NCOR1: variants seen among roughly 807,000 people sequenced by gnomAD.
NCOR1 encodes the protein protein phosphatase 1, regulatory subunit 109.
NCOR1 carries 63 observed loss-of-function variants against 288.1 expected under a neutral mutation model. The observed-to-expected ratio is 0.22, with a 90% CI of 0.18 to 0.27. The LOEUF (loss-of-function observed/expected upper bound fraction) is 0.27. Ranked by LOEUF, NCOR1 falls within the 10% of genes least tolerant of loss-of-function variation. NCOR1 has a pLI of 1.00. For synonymous variants in NCOR1, 1,007 were observed against 1,065.9 expected (o/e 0.94, Z 1.08); for missense variants, 2,397 against 3,019.2 (o/e 0.79, Z 4.83).
chr17:16,110,415 T>C (rs1037848022), intron 18 of NCOR1, among the ~76,000 whole-genome samples: 3 of 152,216 alleles, frequency 2.0e-5, no homozygotes, highest in African/African-American at 4.8e-5. Flanking sequence ...AAAAATTGTA[T>C]GCTCCCTTCT....
chr17:16,115,799 T>G (rs2071452115), intron 18 of NCOR1, among the ~76,000 whole-genome samples: 1 of 152,212 alleles, frequency 6.6e-6, no homozygotes, highest in African/African-American at 2.4e-5. Context: ...TTTCCACATT[T>G]TCCTGTCTTC....
At position 16,108,838 on chromosome 17, in the gene NCOR1, C is replaced by T. The variant is rs533136703; in HGVS notation, c.2130G>A (p.Glu710=). 1.9e-6 allele frequency: 3 copies of T among 1,607,384 alleles called. No homozygotes were observed. Among genetic ancestry groups the T allele is most frequent in the Non-Finnish European group, 2.6e-6 (3 of 1,175,994 alleles). The change falls in exon 19 of 46, where the codon GAG becomes GAA. Residue 710 remains glutamate, a synonymous_variant. Transcript: ENST00000268712. ...CATTGGAGGCTTCAATATCTTCATC[C>T]TCCTGAGCAGAAACAGTGGAAGCGA... ...ESVASTVSAQ[E]DEDIEASNEE...
At chr17:16,146,738 T>C (rs771782993) in intron 9 of NCOR1, among the ~76,000 whole-genome samples, 190 bp from the exon 10 acceptor site, 7 of 152,140 alleles carry the variant, frequency 4.6e-5, no homozygotes, top group African/African-American at 9.7e-5. Context: ...GATCAACACA[T>C]AGAGCACAGG....
At chr17:16,052,040 G>A (rs759264935) in intron 40 of NCOR1, among the ~76,000 whole-genome samples, 3 of 152,074 alleles carry the variant, frequency 2.0e-5, no homozygotes, top group Non-Finnish European at 4.4e-5. Flanking sequence ...ATGGAGTCTC[G>A]CTTTGTCGCC....
intron 30 of NCOR1, among the ~76,000 whole-genome samples, chr17:16,070,886 AGGCGT>A (rs2061673007): frequency 2.0e-5 from 3 of 152,048 alleles, no homozygotes; most frequent in Non-Finnish European, 2.9e-5. Context: ...AAAATTAGCC[AGGCGT>A]GGTGGCAGGT....
At chr17:16,109,038 T>C (rs1000011767) in intron 18 of NCOR1, 126 bp from the exon 19 acceptor site, 101 of 759,402 alleles carry the variant, frequency 1.3e-4, no homozygotes, top group Admixed American at 1.9e-4. Flanking sequence ...TGTTTGACAA[T>C]AGTTCTGGTT....
chr17:16,119,983 A>C (rs1329305971), intron 16 of NCOR1, among the ~76,000 whole-genome samples: 1 of 152,104 alleles, frequency 6.6e-6, no homozygotes, highest in Non-Finnish European at 1.5e-5. Context: ...TTGCTTCAGG[A>C]AAAAAACAAA....
At chr17:16,143,745 G>C in intron 10 of NCOR1, 49 bp from the exon 11 acceptor site, 1 of 1,328,778 alleles carries the variant, frequency 7.5e-7, no homozygotes, top group South Asian at 1.3e-5. Flanking sequence ...CTTATATAAA[G>C]ACATATCAAT....
chr17:16,086,151 A>G, intron 23 of NCOR1, 131 bp downstream of exon 23: 6 of 1,048,546 alleles, frequency 5.7e-6, no homozygotes, highest in Non-Finnish European at 8.4e-6. Flanking sequence ...TCTGGTCATT[A>G]TCTCTTGAAA....
chr17:16,209,843 T>C (rs535147221), intron 1 of NCOR1, among the ~76,000 whole-genome samples: 2 of 152,152 alleles, frequency 1.3e-5, no homozygotes, highest in East Asian at 3.9e-4. Context: ...TCCCAGCTAC[T>C]TGGGAGGCTG....
intron 2 of NCOR1, among the ~76,000 whole-genome samples, chr17:16,193,495 A>G (rs2089043107): frequency 6.6e-6 from 1 of 152,034 alleles, no homozygotes; most frequent in Non-Finnish European, 1.5e-5. Context: ...AGCCTCCCAA[A>G]ATGCTGGGAT....
chr17:16,034,135 A>T (rs1436398763), intron 45 of NCOR1, among the ~76,000 whole-genome samples: 1 of 152,250 alleles, frequency 6.6e-6, no homozygotes, highest in African/African-American at 2.4e-5. Flanking sequence ...TACAGTTCTC[A>T]AAAGAACTAA....
At chr17:16,044,448 CAGG>C (rs754213618) in intron 42 of NCOR1, 26 of 472,126 alleles carry the variant, frequency 5.5e-5, no homozygotes, top group Non-Finnish European at 7.5e-5. Context: ...TTGACAGGAT[CAGG>C]AGACTAGTAG....
chr17:16,185,339 A>G (rs766540507), intron 3 of NCOR1, among the ~76,000 whole-genome samples: 1 of 152,264 alleles, frequency 6.6e-6, no homozygotes, highest in Non-Finnish European at 1.5e-5. Context: ...TTTATTATCT[A>G]TACGTATCCC....
chr17:16,154,621 T>C (rs1315877782), intron 6 of NCOR1, among the ~76,000 whole-genome samples: 4 of 152,184 alleles, frequency 2.6e-5, no homozygotes, highest in Non-Finnish European at 1.5e-5. Flanking sequence ...GGTGGGATAT[T>C]ACTAAGAAAA....
At chr17:16,038,380 C>T (rs1476066207) in intron 44 of NCOR1, among the ~76,000 whole-genome samples, 2 of 152,142 alleles carry the variant, frequency 1.3e-5, no homozygotes, top group African/African-American at 4.8e-5. Flanking sequence ...CAAGCATTAG[C>T]ATTCCGGATG....
In NCOR1 at chr17:16,030,475, A is replaced by G. The variant is rs1971819736; in HGVS notation, c.*1821T>C. 1 of 204,430 alleles carries G rather than the reference A, an allele frequency of 4.9e-6. No homozygotes were observed. The highest frequency in any genetic ancestry group is 2.3e-5 in the African/African-American group (1 of 43,646). 12.7% of individuals were successfully genotyped at this position (204,430 alleles called of 1,614,324 possible). ...GCAATATAAATTATTAACAAACTCT[A>G]AAATATTACCAGTACCTGAAAAAAA... On this transcript the variant is annotated 3_prime_UTR_variant, in exon 46 of 46. Transcript: ENST00000268712.
At chr17:16,098,717 C>G in intron 20 of NCOR1, 1 of 307,128 alleles carries the variant, frequency 3.3e-6, no homozygotes, top group Non-Finnish European at 5.9e-6. Flanking sequence ...CTCACTTCAG[C>G]AGCGCACATA....
chr17:16,076,721 C>T (rs1461744863), intron 26 of NCOR1, among the ~76,000 whole-genome samples: 2 of 152,122 alleles, frequency 1.3e-5, no homozygotes, highest in Admixed American at 6.5e-5. Flanking sequence ...CAAAAACTAG[C>T]GACAACCACC....
Sources: allele counts gnomAD v4.1 joint callset (sites outside exome capture counted in the v4.1 genomes callset), GRCh38; gene constraint gnomAD v4.1.1; transcripts MANE v1.5; gene names NCBI Gene and HGNC (gene_info 2026-07-23, HGNC 2026-07-21).